Variants in GPD2 observed in about 807,000 individuals in gnomAD.
The protein encoded by GPD2 is glycerol-3-phosphate dehydrogenase 2, also known as glycerol-3-phosphate dehydrogenase, mitochondrial.
GPD2 carries 54 observed loss-of-function variants against 82.4 expected under a neutral mutation model. That is an observed-to-expected ratio of 0.66 (90% confidence interval 0.53 to 0.82). The LOEUF (loss-of-function observed/expected upper bound fraction) is 0.82. Among genes scored for constraint, GPD2 ranks in the 40% least tolerant of loss-of-function variants. The pLI, the probability that GPD2 is intolerant of heterozygous loss-of-function variation, is 0.00. For missense variants in GPD2, 748 were observed against 896.2 expected (o/e 0.83, Z 2.11); for synonymous variants, 288 against 306.1 (o/e 0.94, Z 0.62).
At chr2:156,489,690 TC>T (rs1404902701) in intron 2 of GPD2, among the ~76,000 whole-genome samples, 3 of 1,366 alleles carry the variant, frequency 2.2e-3, no homozygotes, top group African/African-American at 2.3e-3. Context: ...CCTTCCTTCT[TC>T]CTTCCTTCCT....
chr2:156,548,324 A>G (rs906132061), intron 6 of GPD2, among the ~76,000 whole-genome samples: 4 of 152,212 alleles, frequency 2.6e-5, no homozygotes, highest in Non-Finnish European at 5.9e-5. Flanking sequence ...TTATAGCTCA[A>G]CTACTGCTAT....
intron 1 of GPD2, among the ~76,000 whole-genome samples, chr2:156,439,453 G>A (rs1221481169): frequency 1.5e-5 from 2 of 137,168 alleles, no homozygotes; most frequent in Non-Finnish European, 3.1e-5. Flanking sequence ...ATGGTGGCAC[G>A]TGCCTGTAGT....
intron 6 of GPD2, among the ~76,000 whole-genome samples, chr2:156,523,138 G>A (rs1166648052): frequency 1.3e-5 from 2 of 152,026 alleles, no homozygotes; most frequent in African/African-American, 4.8e-5. Context: ...TTCACTCTTG[G>A]TGTACATTCT....
At position 156,518,665 on chromosome 2, in the gene GPD2, A is replaced by AT. The variant is rs1399608807; in HGVS notation, c.661+5176dup. 2.0e-5 allele frequency among the ~76,000 whole-genome samples: 3 copies of AT among 152,252 alleles called. No individual in the cohort carries two copies. In the East Asian group the frequency reaches 5.8e-4, roughly 29 times the overall value. ...ATCAATTACCAGTATCACAAAAGTG[A>AT]TTTTTTTGGTCTTTTTGTTGTTTGT... On this transcript the variant is annotated intron_variant, in intron 6 of 16. Coordinates refer to ENST00000438166, the MANE Select transcript of GPD2 (RefSeq NM_000408.5).
In GPD2 at chr2:156,557,507, C is replaced by T; in HGVS notation, c.1090C>T (p.His364Tyr). ...TTDTPTDVTHHPIPSEEDINF... is the reference protein window; with the variant it reads ...TTDTPTDVTHYPIPSEEDINF... ...TGATACTCCAACTGATGTTACACAC[C>T]ATCCAATTCCTTCAGAAGAAGATAT... Residue 364 changes from histidine to tyrosine, a missense_variant, in exon 9 of 17, where the codon CAT becomes TAT. Around this residue, in one of 3 missense-constraint regions of GPD2, gnomAD observed 692 missense variants for 809.7 expected, o/e 0.85. Coordinates refer to ENST00000438166, the MANE Select transcript of GPD2 (RefSeq NM_000408.5). 1 of 1,595,444 alleles carries T rather than the reference C, an allele frequency of 6.3e-7. No individual in the cohort carries two copies. Among genetic ancestry groups the T allele is most frequent in the East Asian group, 2.2e-5 (1 of 44,756 alleles).
chr2:156,529,248 G>A (rs1384142925), intron 6 of GPD2, among the ~76,000 whole-genome samples: 2 of 151,462 alleles, frequency 1.3e-5, no homozygotes, highest in Non-Finnish European at 2.9e-5. Flanking sequence ...TTTGAGAAGT[G>A]TCTGTTCATT....
At chr2:156,476,288 C>T (rs1278676084) in intron 2 of GPD2, 81 bp downstream of exon 2, 8 of 812,252 alleles carry the variant, frequency 9.8e-6, no homozygotes, top group Admixed American at 3.5e-5. Flanking sequence ...TGTGCACTAA[C>T]GGTTTTGTTT....
chr2:156,419,072 T>G, the GPD2 span, among the ~76,000 whole-genome samples: 1 of 145,214 alleles, frequency 6.9e-6, no homozygotes, highest in Non-Finnish European at 1.5e-5. Flanking sequence ...TTTTTTTTTT[T>G]TTTTGAGATG....
chr2:156,442,590 A>C (rs894993184), intron 1 of GPD2, among the ~76,000 whole-genome samples: 7 of 152,286 alleles, frequency 4.6e-5, no homozygotes, highest in Admixed American at 3.3e-4. Context: ...TAGGAGGATC[A>C]CTTGAGCCCA....
intron 6 of GPD2, among the ~76,000 whole-genome samples, chr2:156,524,755 G>A (rs1049849714): frequency 1.3e-5 from 2 of 152,162 alleles, no homozygotes; most frequent in African/African-American, 4.8e-5. Flanking sequence ...AGCAGAAGGC[G>A]TAGTTTACTG....
chr2:156,505,385 G>A (rs780361440), intron 3 of GPD2, among the ~76,000 whole-genome samples: 2 of 151,896 alleles, frequency 1.3e-5, no homozygotes, highest in South Asian at 2.1e-4. Flanking sequence ...TATTACTGTC[G>A]CAAAATTCCC....
intron 6 of GPD2, among the ~76,000 whole-genome samples, chr2:156,524,434 C>G (rs1220596227): frequency 1.3e-5 from 2 of 152,170 alleles, no homozygotes; most frequent in Non-Finnish European, 2.9e-5. Context: ...GGGCTGAAGT[C>G]TTCTAAAGGC....
chr2:156,507,439 C>T (rs1684828343), intron 3 of GPD2, among the ~76,000 whole-genome samples: 1 of 152,028 alleles, frequency 6.6e-6, no homozygotes, highest in Admixed American at 6.6e-5. Context: ...TCTCCCACCT[C>T]AGCCTCCCAA....
intron 1 of GPD2, among the ~76,000 whole-genome samples, chr2:156,453,653 G>C (rs1331867173): frequency 1.3e-5 from 2 of 152,132 alleles, no homozygotes; most frequent in Non-Finnish European, 2.9e-5. Flanking sequence ...GAGGCGGGTG[G>C]ATCACCTGAG....
At chr2:156,426,341 T>C in the GPD2 span, among the ~76,000 whole-genome samples, 1 of 152,160 alleles carries the variant, frequency 6.6e-6, no homozygotes, top group Non-Finnish European at 1.5e-5. Context: ...GACACCTTCT[T>C]CACAAGGCAG....
intron 2 of GPD2, among the ~76,000 whole-genome samples, chr2:156,484,281 G>A (rs1450908361): frequency 2.0e-5 from 3 of 151,874 alleles, no homozygotes; most frequent in South Asian, 4.2e-4. Flanking sequence ...GATTACAGTC[G>A]CCTGCCACCA....
At chr2:156,401,005 C>T in the GPD2 span, among the ~76,000 whole-genome samples, 3 of 152,228 alleles carry the variant, frequency 2.0e-5, no homozygotes, top group Admixed American at 6.5e-5. Context: ...ACCTTCTTGA[C>T]TGCTCGAAGT....
At chr2:156,428,762 T>C in the GPD2 span, among the ~76,000 whole-genome samples, 1 of 152,216 alleles carries the variant, frequency 6.6e-6, no homozygotes, top group Non-Finnish European at 1.5e-5. Flanking sequence ...CTTTCAAAAA[T>C]GAACTTTAAT....
At chr2:156,539,351 T>C (rs1051818315) in intron 6 of GPD2, among the ~76,000 whole-genome samples, 13 of 152,196 alleles carry the variant, frequency 8.5e-5, no homozygotes, top group Admixed American at 8.5e-4. Flanking sequence ...TAGTGGCTGG[T>C]TGGGTCCTGA....
Sources: gnomAD v4.1 joint callset for allele counts (sites outside exome capture counted in the v4.1 genomes callset) on GRCh38, gnomAD v4.1.1 for gene constraint, gnomAD v4.1.1 regional missense constraint, MANE v1.5 for transcripts, NCBI Gene and HGNC (gene_info 2026-07-23, HGNC 2026-07-21) for gene names.